The following ENOX1 variants were observed in gnomAD, a reference collection of about 807,000 sequenced individuals.
ENOX1 encodes ecto-NOX disulfide-thiol exchanger 1, also known as candidate growth-related and time keeping constitutive hydroquinone (NADH) oxidase.
In ENOX1, 42 loss-of-function variants were observed where a neutral mutation model predicts 82.5. The ratio of observed to expected loss-of-function variants is 0.51; its 90% CI spans 0.40 to 0.66. The LOEUF (loss-of-function observed/expected upper bound fraction) is 0.66. Ranked by LOEUF, ENOX1 falls within the 30% of genes least tolerant of loss-of-function variation. The probability of loss-of-function intolerance (pLI) is 0.00; values close to 1 mark genes in which losing one functional copy is unlikely to be tolerated. For missense variants in ENOX1, 608 were observed against 811.6 expected (o/e 0.75, Z 3.05); for synonymous variants, 271 against 282.2 (o/e 0.96, Z 0.40).
At chr13:43,758,740 T>C (rs1566889377) in intron 1 of ENOX1, among the ~76,000 whole-genome samples, 1 of 152,236 alleles carries the variant, frequency 6.6e-6, no homozygotes, top group Non-Finnish European at 1.5e-5. Context: ...AGCCCTGGTT[T>C]CCTTATCTGT....
intron 16 of ENOX1, among the ~76,000 whole-genome samples, chr13:43,216,032 T>C (rs1490274865): frequency 1.3e-5 from 2 of 152,066 alleles, no homozygotes; most frequent in African/African-American, 2.4e-5. Flanking sequence ...CTGTCTCTAC[T>C]AAAAATACAA....
intron 2 of ENOX1, among the ~76,000 whole-genome samples, chr13:43,648,232 G>A (rs991248587): frequency 2.0e-5 from 3 of 152,216 alleles, no homozygotes; most frequent in African/African-American, 7.2e-5. Flanking sequence ...AGGAAAGCAT[G>A]TATTTACTCA....
intron 2 of ENOX1, among the ~76,000 whole-genome samples, chr13:43,557,056 T>C (rs935193598): frequency 6.6e-6 from 1 of 152,180 alleles, no homozygotes; most frequent in African/African-American, 2.4e-5. Flanking sequence ...AGGAGAGAGT[T>C]CACAGTGCAG....
At chr13:43,558,304 G>T (rs1270870524) in intron 2 of ENOX1, among the ~76,000 whole-genome samples, 1 of 152,178 alleles carries the variant, frequency 6.6e-6, no homozygotes, top group African/African-American at 2.4e-5. Flanking sequence ...TGTTAATGAT[G>T]GGGCTTCACT....
At chr13:43,621,137 A>T (rs1297776110) in intron 2 of ENOX1, among the ~76,000 whole-genome samples, 5 of 152,080 alleles carry the variant, frequency 3.3e-5, no homozygotes, top group African/African-American at 1.2e-4. Context: ...GTGAGTCCTT[A>T]TGTGCGAGGT....
chr13:43,487,930 G>A lies in ENOX1; in HGVS notation c.-218-3778C>T, dbSNP rs550177106. On this transcript the variant is annotated intron_variant, in intron 2 of 16. Coordinates refer to ENST00000690772, the MANE Select transcript of ENOX1 (RefSeq NM_001347969.2). ...GAACATTCTTATTTCCCGCATATTCGGGACTTTAATTCAAAAAAAGCTTGG... is the reference window on the plus strand; with the variant it reads ...GAACATTCTTATTTCCCGCATATTCAGGACTTTAATTCAAAAAAAGCTTGG... Among the ~76,000 whole-genome samples, 15 of 152,098 alleles carry A rather than the reference G, an allele frequency of 9.9e-5. No homozygotes were observed. In the East Asian group the frequency reaches 1.5e-3, roughly 16 times the overall value.
intron 1 of ENOX1, among the ~76,000 whole-genome samples, chr13:43,778,431 G>A (rs1222162203): frequency 6.6e-6 from 1 of 152,054 alleles, no homozygotes; most frequent in Non-Finnish European, 1.5e-5. Context: ...CCCACCCCCA[G>A]CTACCACTCA....
intron 2 of ENOX1, among the ~76,000 whole-genome samples, chr13:43,657,617 T>C (rs1566720133): frequency 6.6e-6 from 1 of 151,694 alleles, no homozygotes; most frequent in South Asian, 2.1e-4. Context: ...CTGGAGGAGG[T>C]TTCATTCCAG....
intron 1 of ENOX1, among the ~76,000 whole-genome samples, chr13:43,731,724 T>C (rs916420144): frequency 1.3e-5 from 2 of 152,306 alleles, no homozygotes; most frequent in South Asian, 2.1e-4. Flanking sequence ...ACGAAATCAC[T>C]GTCTAACTGG....
chr13:43,739,226 C>T (rs1038785524), intron 1 of ENOX1, among the ~76,000 whole-genome samples: 4 of 152,056 alleles, frequency 2.6e-5, no homozygotes, highest in Admixed American at 2.6e-4. Context: ...TTTCCTTCAT[C>T]GAAGGTTAAC....
At chr13:43,756,366 A>G (rs1950635819) in intron 1 of ENOX1, among the ~76,000 whole-genome samples, 1 of 151,302 alleles carries the variant, frequency 6.6e-6, no homozygotes, top group South Asian at 2.1e-4. Context: ...GCAGAGGGTC[A>G]AGGCCGCAGT....
intron 5 of ENOX1, among the ~76,000 whole-genome samples, chr13:43,382,085 T>C (rs1002039925): frequency 6.6e-6 from 1 of 152,090 alleles, no homozygotes; most frequent in Non-Finnish European, 1.5e-5. Context: ...ATAGACAATA[T>C]TCAGCATGAA....
At chr13:43,506,485 G>A (rs2077169692) in intron 2 of ENOX1, among the ~76,000 whole-genome samples, 1 of 141,114 alleles carries the variant, frequency 7.1e-6, no homozygotes, top group African/African-American at 2.6e-5. Flanking sequence ...CCCATTACTG[G>A]GTATATACCC....
At chr13:43,598,887 T>TTA (rs948883383) in intron 2 of ENOX1, among the ~76,000 whole-genome samples, 17 of 152,160 alleles carry the variant, frequency 1.1e-4, no homozygotes, top group African/African-American at 4.1e-4. Flanking sequence ...AGGAAACATG[T>TTA]TATTCTGTCA....
chr13:43,641,569 T>C (rs1003711816), intron 2 of ENOX1, among the ~76,000 whole-genome samples: 7 of 120,658 alleles, frequency 5.8e-5, no homozygotes, highest in Non-Finnish European at 1.1e-4. Context: ...AGAGTCTCAC[T>C]CTGTCGCCCA....
intron 1 of ENOX1, among the ~76,000 whole-genome samples, chr13:43,716,012 G>T (rs541686103): frequency 6.6e-6 from 1 of 152,298 alleles, no homozygotes; most frequent in African/African-American, 2.4e-5. Context: ...ATTTCCTCCT[G>T]TAGCTCGGAA....
intron 2 of ENOX1, among the ~76,000 whole-genome samples, chr13:43,519,431 T>G (rs1053880431): frequency 6.6e-6 from 1 of 152,168 alleles, no homozygotes; most frequent in South Asian, 2.1e-4. Context: ...CCTACCTCTA[T>G]AGCCTGGTTG....
At chr13:43,426,922 G>A (rs1171232996) in intron 3 of ENOX1, among the ~76,000 whole-genome samples, 1 of 152,094 alleles carries the variant, frequency 6.6e-6, no homozygotes, top group African/African-American at 2.4e-5. Flanking sequence ...CTCACTGTAT[G>A]ACCAAACCCT....
intron 2 of ENOX1, among the ~76,000 whole-genome samples, chr13:43,516,321 G>T (rs542135539): frequency 2.7e-4 from 41 of 152,270 alleles, no homozygotes; most frequent in African/African-American, 9.6e-4. Flanking sequence ...AAGTCAGTGG[G>T]AAAGCTTCTA....
Sources: gnomAD v4.1 joint callset for allele counts (sites outside exome capture counted in the v4.1 genomes callset) on GRCh38, gnomAD v4.1.1 for gene constraint, MANE v1.5 for transcripts, NCBI Gene and HGNC (gene_info 2026-07-23, HGNC 2026-07-21) for gene names.